Variants in UGT1A5 observed in about 807,000 individuals in gnomAD.
UGT1A5 encodes UDP glucuronosyltransferase family 1 member A5.
UGT1A5 carries 29 observed loss-of-function variants against 40.3 expected under a neutral mutation model. The observed-to-expected ratio is 0.72, with a 90% CI of 0.54 to 0.98. UGT1A5 has a LOEUF of 0.98. UGT1A5 is among the 50% of genes least tolerant of loss of function. The probability of loss-of-function intolerance (pLI) is 0.00; values close to 1 mark genes in which losing one functional copy is unlikely to be tolerated. For missense variants in UGT1A5, 678 were observed against 677.9 expected, an observed-to-expected ratio of 1.00 and a Z score of 0.00; for synonymous variants, 257 against 262.5, an observed-to-expected ratio of 0.98 and a Z score of 0.20.
chr2:233,719,731 A>G (rs906516699), intron 1 of UGT1A5: 3 of 1,613,372 alleles, frequency 1.9e-6, no homozygotes, highest in African/African-American at 2.7e-5. Flanking sequence ...CAGGCAAAAC[A>G]CTTTTTAAAA....
chr2:233,756,708 CT>C (rs1473385409), intron 1 of UGT1A5, among the ~76,000 whole-genome samples: 11 of 152,108 alleles, frequency 7.2e-5, no homozygotes, highest in Non-Finnish European at 1.6e-4. Context: ...TTTGGGGGGA[CT>C]TTTTTTGAGA....
At chr2:233,758,733 C>T (rs1161987353) in intron 1 of UGT1A5, among the ~76,000 whole-genome samples, 1 of 152,140 alleles carries the variant, frequency 6.6e-6, no homozygotes, top group African/African-American at 2.4e-5. Context: ...TAAGCACATC[C>T]CCAAGTATGG....
intron 1 of UGT1A5, among the ~76,000 whole-genome samples, chr2:233,720,881 T>C (rs1341261377): frequency 6.6e-6 from 1 of 150,882 alleles, no homozygotes; most frequent in Non-Finnish European, 1.5e-5. Flanking sequence ...ATTTTTTTTT[T>C]TTTTTTTTTA....
intron 1 of UGT1A5, among the ~76,000 whole-genome samples, chr2:233,726,140 C>T (rs529901709): frequency 3.9e-5 from 6 of 152,258 alleles, no homozygotes; most frequent in Non-Finnish European, 7.4e-5. Flanking sequence ...CACTCCAGCC[C>T]GAGTGACAGA....
At chr2:233,756,127 T>C (rs1396656487) in intron 1 of UGT1A5, 2 of 152,258 alleles carry the variant, frequency 1.3e-5, no homozygotes, top group African/African-American at 4.8e-5. Context: ...TGTAAAATTC[T>C]CCTGAAAAAT....
At chr2:233,757,238 G>A (rs191269433) in intron 1 of UGT1A5, among the ~76,000 whole-genome samples, 1 of 149,106 alleles carries the variant, frequency 6.7e-6, no homozygotes, top group Non-Finnish European at 1.5e-5. Context: ...AGAAGTGGTG[G>A]TGAGGTGGGG....
In UGT1A5 at chr2:233,769,727, C is replaced by T. The variant is rs565012601; in HGVS notation, c.1307+1288C>T. The stretch of plus-strand genomic sequence containing the variant: ...AATGTTGGCTAGGCACCATGGCACA[C>T]GCCTGTAGTCCCAGCCACTCTGGAG... On this transcript the variant is annotated intron_variant, in intron 4 of 4. Transcript: ENST00000373414. This position sits in a 1 kb window ranked among gnomAD's most constrained non-coding sequence, Gnocchi z 4.4. 4.8e-4 allele frequency: 703 copies of T among 1,471,542 alleles called. 1 individual carries two copies. Among genetic ancestry groups the T allele is most frequent in the Non-Finnish European group, 5.6e-4 (625 of 1,109,932 alleles). The allele number at this position is 1,471,542 out of a possible 1,614,324, so 91.2% of individuals were successfully genotyped here. A position where few individuals can be genotyped will look rare whatever the true frequency, so the allele number is the denominator to read the frequency against.
At chr2:233,720,640 G>A (rs1212393027) in intron 1 of UGT1A5, among the ~76,000 whole-genome samples, 3 of 151,716 alleles carry the variant, frequency 2.0e-5, no homozygotes, top group Non-Finnish European at 4.4e-5. Context: ...TAGTACTCTG[G>A]GATGTGAAAA....
At chr2:233,757,520 A>G (rs1696548795) in intron 1 of UGT1A5, among the ~76,000 whole-genome samples, 1 of 144,544 alleles carries the variant, frequency 6.9e-6, no homozygotes. Flanking sequence ...CAAAGCCAAA[A>G]TCTTGCCTGT....
intron 1 of UGT1A5, among the ~76,000 whole-genome samples, chr2:233,722,377 C>T (rs570845988): frequency 4.6e-5 from 7 of 152,274 alleles, no homozygotes; most frequent in East Asian, 3.9e-4. Context: ...TGAAATCTTA[C>T]GTTTCTTCTC....
chr2:233,717,764 C>T (rs1326469547), intron 1 of UGT1A5: 3 of 456,554 alleles, frequency 6.6e-6, no homozygotes, highest in Non-Finnish European at 1.3e-5. Context: ...GAAAGGCACA[C>T]ATTTAATTCT....
chr2:233,760,609 C>T lies in UGT1A5; in HGVS notation c.868-6425C>T, dbSNP rs587784538. 50 of 1,614,060 alleles carry T rather than the reference C, an allele frequency of 3.1e-5. 1 individual carries two copies. The South Asian group carries it at 3.7e-4, about 12-fold the overall frequency. On this transcript the variant is annotated intron_variant, in intron 1 of 4. Transcript: ENST00000373414. Reference sequence around the variant, plus strand: ...TTTTGAGAATGATTCTTTCCTGCAGCGTGTGATCAAAACATACAAGAAAAT... The same window carrying T: ...TTTTGAGAATGATTCTTTCCTGCAGTGTGTGATCAAAACATACAAGAAAAT...
intron 1 of UGT1A5, chr2:233,718,924 C>A: frequency 6.2e-7 from 1 of 1,614,056 alleles, no homozygotes; most frequent in Non-Finnish European, 8.5e-7. Flanking sequence ...TTGGTGGTGC[C>A]CACTGATGGC....
At chr2:233,721,171 T>A (rs2076925263) in intron 1 of UGT1A5, among the ~76,000 whole-genome samples, 1 of 152,236 alleles carries the variant, frequency 6.6e-6, no homozygotes, top group South Asian at 2.1e-4. Context: ...ATTTTTGTTT[T>A]TGATCAAACC....
intron 1 of UGT1A5, among the ~76,000 whole-genome samples, chr2:233,725,499 G>A (rs1219431340): frequency 6.6e-6 from 1 of 151,906 alleles, no homozygotes; most frequent in African/African-American, 2.4e-5. Flanking sequence ...AGAAACCACT[G>A]AAATTAATTT....
At chr2:233,760,188 CG>C (rs1250855848) in intron 1 of UGT1A5, 1 of 1,563,540 alleles carries the variant, frequency 6.4e-7, no homozygotes, top group Non-Finnish European at 8.6e-7. Context: ...TTTATAGTCA[CG>C]TGACACAGTC....
chr2:233,736,864 A>G lies in UGT1A5; in HGVS notation c.867+23006A>G, dbSNP rs948375151. On this transcript the variant is annotated intron_variant, in intron 1 of 4. Transcript: ENST00000373414. ...ACCAGTGGAGGCTGCAGAACAGCAA[A>G]TATTGCAGAACAGCAAATATTGCTG... Among the ~76,000 whole-genome samples, 4 of 152,194 alleles carry G rather than the reference A, an allele frequency of 2.6e-5. No homozygotes were observed. The East Asian group carries it at 7.7e-4, about 29-fold the overall frequency.
intron 1 of UGT1A5, among the ~76,000 whole-genome samples, chr2:233,714,325 G>GAGGTC (rs1417875525): frequency 2.0e-5 from 3 of 152,176 alleles, no homozygotes; most frequent in Non-Finnish European, 4.4e-5. Context: ...GACCACAGGA[G>GAGGTC]ACCTAAGCAC....
At chr2:233,763,469 A>G (rs1698318094) in intron 1 of UGT1A5, among the ~76,000 whole-genome samples, 1 of 152,180 alleles carries the variant, frequency 6.6e-6, no homozygotes, top group South Asian at 2.1e-4. Flanking sequence ...CTAACAATTA[A>G]TAGATTTGAT....
Sources: gnomAD v4.1 joint callset for allele counts (sites outside exome capture counted in the v4.1 genomes callset) on GRCh38, gnomAD v4.1.1 for gene constraint, Gnocchi (gnomAD v3.1) non-coding constraint, MANE v1.5 for transcripts, NCBI Gene and HGNC (gene_info 2026-07-23, HGNC 2026-07-21) for gene names.